Variants in PID1 observed in about 807,000 individuals in gnomAD.
PID1 encodes the protein PTB-containing, cubilin and LRP1-interacting protein.
A neutral mutation model predicts 19.1 loss-of-function variants in PID1; 10 were observed. The ratio of observed to expected loss-of-function variants is 0.52; its 90% CI spans 0.32 to 0.89. PID1 has a LOEUF of 0.89. PID1 is among the 40% of genes least tolerant of loss of function. PID1 has a pLI of 0.03. For synonymous variants in PID1, 130 were observed against 116.0 expected, an observed-to-expected ratio of 1.12 and a Z score of -0.78; for missense variants, 248 against 285.3, an observed-to-expected ratio of 0.87 and a Z score of 0.94.
chr2:229,203,994 T>C (rs923000955), intron 1 of PID1, among the ~76,000 whole-genome samples: 4 of 152,124 alleles, frequency 2.6e-5, no homozygotes, highest in African/African-American at 4.8e-5. Context: ...ATAGGTCTAA[T>C]GTAATAAACC....
chr2:229,073,450 G>A (rs1694498022), intron 2 of PID1, among the ~76,000 whole-genome samples: 1 of 152,222 alleles, frequency 6.6e-6, no homozygotes, highest in African/African-American at 2.4e-5. Context: ...TGGTGTAGTT[G>A]CATGAATTGC....
rs1693729392 is a variant in PID1 at position 229,039,722 on chromosome 2, A to G, written c.178-13614T>C. 2.6e-5 allele frequency among the ~76,000 whole-genome samples: 4 copies of G among 152,184 alleles called. No individual in the cohort carries two copies. The South Asian group carries it at 8.3e-4, about 31-fold the overall frequency. On this transcript the variant is annotated intron_variant, in intron 2 of 2. Coordinates refer to ENST00000392055, the MANE Select transcript of PID1 (RefSeq NM_001100818.2). ...CTGAGATACCTCTCTCACCGGACATACTAATGAAAAGTAAAATGTATGGCC... is the reference window on the plus strand; with the variant it reads ...CTGAGATACCTCTCTCACCGGACATGCTAATGAAAAGTAAAATGTATGGCC...
intron 2 of PID1, among the ~76,000 whole-genome samples, chr2:229,046,287 C>T (rs1425347074): frequency 6.6e-6 from 1 of 151,722 alleles, no homozygotes; most frequent in Admixed American, 6.6e-5. Flanking sequence ...ATCTTTTCCT[C>T]CAAGGTTTTC....
chr2:229,041,398 A>G (rs1447684653), intron 2 of PID1, among the ~76,000 whole-genome samples: 1 of 152,238 alleles, frequency 6.6e-6, no homozygotes, highest in African/African-American at 2.4e-5. Context: ...CAGAATGGGT[A>G]GGAATCCATG....
intron 1 of PID1, among the ~76,000 whole-genome samples, chr2:229,178,601 A>G (rs995599470): frequency 2.6e-5 from 4 of 152,084 alleles, no homozygotes; most frequent in Non-Finnish European, 4.4e-5. Flanking sequence ...GTCATTTTCT[A>G]TAATAAGCCA....
intron 2 of PID1, among the ~76,000 whole-genome samples, chr2:229,074,008 T>C (rs1350106948): frequency 6.6e-6 from 1 of 152,196 alleles, no homozygotes; most frequent in Non-Finnish European, 1.5e-5. Context: ...CCCTGCATCA[T>C]CCAAGTTAAA....
At chr2:229,135,346 G>C (rs1428900452) in intron 2 of PID1, among the ~76,000 whole-genome samples, 1 of 152,184 alleles carries the variant, frequency 6.6e-6, no homozygotes, top group African/African-American at 2.4e-5. Flanking sequence ...TAAAAGTAAA[G>C]TGAGAAACCT....
intron 1 of PID1, among the ~76,000 whole-genome samples, chr2:229,207,081 C>G (rs982150938): frequency 2.6e-5 from 4 of 151,528 alleles, no homozygotes; most frequent in Non-Finnish European, 4.4e-5. Flanking sequence ...AAAATGGAAG[C>G]CTCCTCTTCT....
intron 1 of PID1, among the ~76,000 whole-genome samples, chr2:229,243,107 A>G (rs1349423193): frequency 6.6e-6 from 1 of 152,134 alleles, no homozygotes; most frequent in Non-Finnish European, 1.5e-5. Context: ...CCTCACAATC[A>G]TGGTGGAAGG....
intron 2 of PID1, among the ~76,000 whole-genome samples, chr2:229,062,036 AAC>A (rs1443168635): frequency 6.6e-6 from 1 of 151,932 alleles, no homozygotes; most frequent in East Asian, 1.9e-4. Flanking sequence ...GTCATCAGCA[AAC>A]AGAGGTAATT....
intron 1 of PID1, among the ~76,000 whole-genome samples, chr2:229,219,176 G>A (rs1419959556): frequency 6.6e-6 from 1 of 151,966 alleles, no homozygotes; most frequent in Non-Finnish European, 1.5e-5. Context: ...TTACAGACAG[G>A]GTCACTGTAT....
chr2:229,036,620 C>G (rs1327271138), intron 2 of PID1, among the ~76,000 whole-genome samples: 1 of 152,098 alleles, frequency 6.6e-6, no homozygotes, highest in Non-Finnish European at 1.5e-5. Flanking sequence ...TGGTGGCAGG[C>G]CCCTGTAAAC....
intron 2 of PID1, among the ~76,000 whole-genome samples, chr2:229,027,929 C>A (rs1310548044): frequency 6.6e-6 from 1 of 152,086 alleles, no homozygotes; most frequent in East Asian, 1.9e-4. Flanking sequence ...GGCCAAGGTC[C>A]AAGGAGTGCC....
At chr2:229,079,753 T>C (rs1466207564) in intron 2 of PID1, among the ~76,000 whole-genome samples, 1 of 152,184 alleles carries the variant, frequency 6.6e-6, no homozygotes, top group African/African-American at 2.4e-5. Flanking sequence ...CAAGCATCAG[T>C]TAAATCCAAA....
At chr2:229,269,911 A>G (rs1227816525) in intron 1 of PID1, among the ~76,000 whole-genome samples, 2 of 152,162 alleles carry the variant, frequency 1.3e-5, no homozygotes, top group African/African-American at 2.4e-5. Context: ...GCTGTGGGGC[A>G]TCTGTTTCTG....
chr2:229,183,890 ATATATATATATATATATATATCCCC>A (rs1432466634), intron 1 of PID1, among the ~76,000 whole-genome samples: 1 of 15,068 alleles, frequency 6.6e-5, no homozygotes, highest in African/African-American at 5.5e-4. Flanking sequence ...ATATATATAT[ATATATATATATATATATATATCCCC>A]TATATATATC....
chr2:229,188,671 G>A (rs377180788), intron 1 of PID1, among the ~76,000 whole-genome samples: 30 of 151,426 alleles, frequency 2.0e-4, no homozygotes, highest in South Asian at 1.9e-3. Flanking sequence ...CCCAGGAGGC[G>A]GAGGTTGCAG....
At chr2:229,207,861 T>C (rs1171685397) in intron 1 of PID1, among the ~76,000 whole-genome samples, 5 of 152,046 alleles carry the variant, frequency 3.3e-5, no homozygotes, top group Admixed American at 3.3e-4. Context: ...GCAATGGGGC[T>C]CTGACAACAC....
chr2:229,057,613 A>G (rs915082210), intron 2 of PID1, among the ~76,000 whole-genome samples: 3 of 152,222 alleles, frequency 2.0e-5, no homozygotes, highest in Non-Finnish European at 4.4e-5. Flanking sequence ...AAAAATAATA[A>G]TTTAGCAAGT....
Sources: allele counts gnomAD v4.1 joint callset (sites outside exome capture counted in the v4.1 genomes callset), GRCh38; gene constraint gnomAD v4.1.1; transcripts MANE v1.5; gene names NCBI Gene and HGNC (gene_info 2026-07-23, HGNC 2026-07-21).